The following ASCC2 variants were observed in gnomAD, a reference collection of about 807,000 sequenced individuals.
ASCC2 encodes the protein activating signal cointegrator 1 complex subunit 2.
Under a neutral mutation model 93.5 loss-of-function variants are expected in ASCC2, and 42 were observed. The observed-to-expected ratio is 0.45, with a 90% CI of 0.35 to 0.58. The LOEUF is 0.58. Ranked by LOEUF, ASCC2 falls within the 20% of genes least tolerant of loss-of-function variation. The pLI is 0.00. For synonymous variants in ASCC2, 364 were observed against 384.2 expected (o/e 0.95, Z 0.62); for missense variants, 859 against 977.6 (o/e 0.88, Z 1.62).
At chr22:29,790,870 AC>A (rs899493802) in intron 18 of ASCC2, among the ~76,000 whole-genome samples, 9 of 152,180 alleles carry the variant, frequency 5.9e-5, no homozygotes, top group Non-Finnish European at 1.2e-4. Context: ...CAGGATGGCC[AC>A]TGTGAGAGGC....
intron 8 of ASCC2, among the ~76,000 whole-genome samples, chr22:29,809,361 TA>T (rs1412062271): frequency 6.6e-6 from 1 of 152,138 alleles, no homozygotes; most frequent in Non-Finnish European, 1.5e-5. Context: ...GTTAACTAAT[TA>T]ATTTTTTTTT....
intron 8 of ASCC2, among the ~76,000 whole-genome samples, chr22:29,813,034 G>C (rs1020558875): frequency 1.3e-5 from 2 of 152,004 alleles, no homozygotes; most frequent in African/African-American, 2.4e-5. Context: ...GGTGCATGCT[G>C]CCATGCCCAG....
intron 19 of ASCC2, 119 bp downstream of exon 19, chr22:29,790,350 G>C (rs144281916): frequency 3.1e-6 from 3 of 979,460 alleles, no homozygotes; most frequent in Non-Finnish European, 1.5e-6. Context: ...CTGGGTTGTC[G>C]TGAGAACTAA....
rs932436665 is a variant in ASCC2 at position 29,800,890 on chromosome 22, C to T, written c.1688+101G>A. The T allele has an allele frequency of 5.2e-5, 75 of 1,430,784 alleles. No homozygotes were observed. In the African/African-American group the frequency reaches 9.0e-4, roughly 17 times the overall value. The allele number at this position is 1,430,784 out of a possible 1,614,324, so 88.6% of individuals were successfully genotyped here. On this transcript the variant is annotated intron_variant, in intron 15 of 19. Coordinates refer to ENST00000307790, the MANE Select transcript of ASCC2 (RefSeq NM_032204.5). The stretch of plus-strand genomic sequence containing the variant: ...TTGTGAAGGGATCCCTGTGCTGATA[C>T]TCCATGGCCAATTCTGCGAAGATGG...
At chr22:29,803,159 G>A (rs572255581) in intron 13 of ASCC2, among the ~76,000 whole-genome samples, 1 of 151,452 alleles carries the variant, frequency 6.6e-6, no homozygotes, top group Admixed American at 6.6e-5. Context: ...GCTGACACAG[G>A]AGAATCGCTT....
At chr22:29,826,957 G>C (rs942220897) in intron 2 of ASCC2, among the ~76,000 whole-genome samples, 2 of 151,808 alleles carry the variant, frequency 1.3e-5, no homozygotes, top group African/African-American at 4.8e-5. Flanking sequence ...AATTAGCCGG[G>C]CATGGTGGCG....
intron 15 of ASCC2, among the ~76,000 whole-genome samples, chr22:29,797,529 T>C (rs1370367088): frequency 6.6e-6 from 1 of 152,194 alleles, no homozygotes; most frequent in Non-Finnish European, 1.5e-5. Context: ...TGCCACTTCC[T>C]GGGCTGTGTG....
In ASCC2 at chr22:29,837,337, G is replaced by A. The variant is rs139087872; in HGVS notation, c.-18+841C>T. On this transcript the variant is annotated intron_variant, in intron 1 of 19. Transcript: ENST00000307790. ...AATCCTAGCTACTCAGGAGGCTGAG[G>A]CAGGAGAATCGCTTGAACCCGGGAG... is the stretch of plus-strand genomic sequence containing the variant. Among the ~76,000 whole-genome samples the A allele has an allele frequency of 5.7e-3, 874 of 152,226 alleles. 4 individuals are homozygous for A. The highest frequency in any genetic ancestry group is 0.018 in the African/African-American group (739 of 41,520).
chr22:29,804,262 G>C (rs1014130808), intron 13 of ASCC2, among the ~76,000 whole-genome samples: 5 of 152,206 alleles, frequency 3.3e-5, no homozygotes, highest in Non-Finnish European at 5.9e-5. Flanking sequence ...TTCCAAGAAG[G>C]CCAAACCATG....
intron 13 of ASCC2, among the ~76,000 whole-genome samples, chr22:29,802,483 G>C (rs2059194382): frequency 7.3e-6 from 1 of 136,814 alleles, no homozygotes; most frequent in African/African-American, 2.8e-5. Flanking sequence ...ACATATCCAG[G>C]AAAATAAACA....
At chr22:29,816,734 G>C (rs775849723) in intron 5 of ASCC2, 6 of 149,858 alleles carry the variant, frequency 4.0e-5, no homozygotes, top group Admixed American at 6.6e-5. Flanking sequence ...GCGTAGGTTC[G>C]AGCATATGGT....
chr22:29,837,648 T>C (rs983140659), intron 1 of ASCC2, among the ~76,000 whole-genome samples: 4 of 152,166 alleles, frequency 2.6e-5, no homozygotes, highest in African/African-American at 9.7e-5. Flanking sequence ...AGCCTCTTTG[T>C]CATCATTCCT....
intron 2 of ASCC2, 113 bp downstream of exon 2, chr22:29,832,132 C>T (rs751830367): frequency 4.4e-6 from 4 of 904,576 alleles, no homozygotes; most frequent in South Asian, 1.6e-5. Context: ...ACTGAATCAC[C>T]GACCATGGCC....
intron 5 of ASCC2, among the ~76,000 whole-genome samples, chr22:29,817,659 A>G (rs186988677): frequency 6.6e-6 from 1 of 152,286 alleles, no homozygotes; most frequent in Admixed American, 6.5e-5. Context: ...TGATCCTTCC[A>G]GTGCTGCAGC....
intron 12 of ASCC2, among the ~76,000 whole-genome samples, chr22:29,805,758 G>A (rs2059603355): frequency 6.6e-6 from 1 of 151,832 alleles, no homozygotes; most frequent in African/African-American, 2.4e-5. Context: ...CCTTGTCCTT[G>A]CTCCTGGCTT....
Position 29,788,950 on chromosome 22 carries a change from G to A in ASCC2, c.*63C>T. 1 of 1,603,982 alleles carries A rather than the reference G, an allele frequency of 6.2e-7. No homozygotes were observed. ...GGGGCCCCTAGTGAGGAGGCCCCAG[G>A]CGATGGGAGCACGGCCTGGTGAGTC... On this transcript the variant is annotated 3_prime_UTR_variant, in exon 20 of 20. Coordinates refer to ENST00000307790, the MANE Select transcript of ASCC2 (RefSeq NM_032204.5).
chr22:29,809,476 C>T (rs543050954), intron 8 of ASCC2, among the ~76,000 whole-genome samples: 46 of 152,172 alleles, frequency 3.0e-4, no homozygotes, highest in Non-Finnish European at 5.0e-4. Context: ...AGGTACCTGG[C>T]TTAAAACTTT....
intron 5 of ASCC2, chr22:29,816,857 G>T (rs1299870367): frequency 6.6e-6 from 1 of 152,160 alleles, no homozygotes; most frequent in Non-Finnish European, 1.5e-5. Flanking sequence ...GCTTGGGGAC[G>T]TGACAATGTG....
At chr22:29,809,310 T>A (rs1421007638) in intron 8 of ASCC2, among the ~76,000 whole-genome samples, 3 of 152,022 alleles carry the variant, frequency 2.0e-5, no homozygotes, top group Non-Finnish European at 4.4e-5. Context: ...CTACATTGGC[T>A]TATGAGTTAA....
Sources: allele counts gnomAD v4.1 joint callset (sites outside exome capture counted in the v4.1 genomes callset), GRCh38; gene constraint gnomAD v4.1.1; transcripts MANE v1.5; gene names NCBI Gene and HGNC (gene_info 2026-07-23, HGNC 2026-07-21).